The following DYRK1A variants were observed in gnomAD, a reference collection of about 807,000 sequenced individuals.
DYRK1A encodes dual specificity tyrosine-phosphorylation-regulated kinase 1A.
Under a neutral mutation model 79.7 loss-of-function variants are expected in DYRK1A, and 9 were observed. That is an observed-to-expected ratio of 0.11 (90% CI 0.07 to 0.20). The LOEUF (loss-of-function observed/expected upper bound fraction) is 0.20. DYRK1A is among the 10% of genes least tolerant of loss of function. DYRK1A has a pLI of 1.00. For synonymous variants in DYRK1A, 349 were observed against 329.7 expected, an observed-to-expected ratio of 1.06 and a Z score of -0.63; for missense variants, 622 against 956.0, an observed-to-expected ratio of 0.65 and a Z score of 4.61.
intron 8 of DYRK1A, among the ~76,000 whole-genome samples, chr21:37,493,370 A>G (rs1279091212): frequency 6.6e-6 from 1 of 152,034 alleles, no homozygotes; most frequent in Non-Finnish European, 1.5e-5. Context: ...ATTTTAATCT[A>G]CTCATGAAGG....
At chr21:37,457,011 A>AATTTACTTACTTACTTACTT (rs1200076500) in intron 2 of DYRK1A, among the ~76,000 whole-genome samples, 1 of 132,908 alleles carries the variant, frequency 7.5e-6, no homozygotes, top group Non-Finnish European at 1.6e-5. Context: ...GTAAAAAGAA[A>AATTTACTTACTTACTTACTT]ATTTACTTAC....
intron 1 of DYRK1A, among the ~76,000 whole-genome samples, chr21:37,396,709 G>T (rs544534870): frequency 2.6e-5 from 4 of 152,122 alleles, no homozygotes; most frequent in Non-Finnish European, 4.4e-5. Context: ...AGAATTGGTA[G>T]ACGACCCTTT....
At position 37,512,341 on chromosome 21, in the gene DYRK1A, A is replaced by G; in HGVS notation, c.2075A>G (p.Asn692Ser). The G allele has an allele frequency of 6.2e-7, 1 of 1,614,214 alleles. No individual in the cohort carries two copies. Among genetic ancestry groups the G allele is most frequent in the Non-Finnish European group, 8.5e-7 (1 of 1,180,038 alleles). ...GGACAGAATGGAGCTATGGACGTTA[A>G]TTTGACCGTCTACTCCAATCCCCGC... ...DFGQNGAMDVNLTVYSNPRQE... is the reference protein window; with the variant it reads ...DFGQNGAMDVSLTVYSNPRQE... The change falls in exon 12 of 12, where the codon AAT (asparagine) becomes AGT (serine). Residue 692 changes from asparagine (N) to serine (S), a missense_variant. Asn to Ser is a conservative substitution (Grantham distance 46). This residue lies in a region of DYRK1A where 292 missense variants were observed against 316.7 expected (regional missense o/e 0.92). Coordinates refer to ENST00000647188, the MANE Select transcript of DYRK1A (RefSeq NM_001347721.2).
At chr21:37,407,339 C>T (rs2050166862) in intron 1 of DYRK1A, among the ~76,000 whole-genome samples, 3 of 152,264 alleles carry the variant, frequency 2.0e-5, no homozygotes, top group African/African-American at 7.2e-5. Context: ...TGTAACCCAT[C>T]ATATGAGTTC....
At chr21:37,368,995 A>G (rs146837995) in intron 1 of DYRK1A, among the ~76,000 whole-genome samples, 1,642 of 152,270 alleles carry the variant, frequency 0.011, 28 homozygotes, top group African/African-American at 0.036. Flanking sequence ...TATGTAGTCA[A>G]TTTTTGAATG....
upstream of DYRK1A, chr21:37,366,236 C>A (rs1169850173): frequency 3.3e-5 from 5 of 150,040 alleles, no homozygotes; most frequent in Non-Finnish European, 7.4e-5. Context: ...CGGGTCCCCG[C>A]CCGAAGGCCG....
intron 1 of DYRK1A, among the ~76,000 whole-genome samples, chr21:37,373,792 A>G (rs1305333004): frequency 1.3e-5 from 2 of 152,194 alleles, no homozygotes; most frequent in African/African-American, 2.4e-5. Flanking sequence ...GTGGTCTTTG[A>G]TAGGTGACTA....
chr21:37,452,505 A>G (rs903969081), intron 2 of DYRK1A, among the ~76,000 whole-genome samples: 1 of 152,216 alleles, frequency 6.6e-6, no homozygotes, highest in African/African-American at 2.4e-5. Context: ...ACACAGTTAA[A>G]TATAGCATGC....
In DYRK1A at chr21:37,478,389, A is replaced by G. The variant is rs555747401; in HGVS notation, c.300+89A>G. The G allele has an allele frequency of 3.2e-4, 349 of 1,106,546 alleles. 2 individuals are homozygous for G. The highest frequency in any genetic ancestry group is 4.3e-4 in the Non-Finnish European group (328 of 768,356). 68.5% of individuals were successfully genotyped at this position (1,106,546 alleles called of 1,614,324 possible). On this transcript the variant is annotated intron_variant, in intron 4 of 11. Transcript: ENST00000647188. ...CCTATTTACCCTAAACTTTTTTTTC[A>G]TTCCTAGTAGTTGTCATATTGATGA...
intron 1 of DYRK1A, among the ~76,000 whole-genome samples, chr21:37,394,773 T>A (rs2049931148): frequency 6.6e-6 from 1 of 152,158 alleles, no homozygotes; most frequent in Non-Finnish European, 1.5e-5. Flanking sequence ...TCCACAAAAG[T>A]AGTCCCTGGT....
chr21:37,447,436 T>G (rs886548835), intron 2 of DYRK1A, among the ~76,000 whole-genome samples: 8 of 152,206 alleles, frequency 5.3e-5, no homozygotes, highest in African/African-American at 1.7e-4. Context: ...ACTCAAGCCT[T>G]TAAGACCTAA....
intron 9 of DYRK1A, among the ~76,000 whole-genome samples, chr21:37,498,924 T>A (rs1199353200): frequency 6.6e-6 from 1 of 152,178 alleles, no homozygotes; most frequent in Non-Finnish European, 1.5e-5. Flanking sequence ...ATATGCTTAT[T>A]AGCCTTTCAT....
At chr21:37,398,080 T>C (rs9980136) in intron 1 of DYRK1A, among the ~76,000 whole-genome samples, 28,471 of 145,896 alleles carry the variant, frequency 0.2, 3,014 homozygotes, top group East Asian at 0.36. Context: ...AAAAAAAATA[T>C]ATATATATAT....
intron 2 of DYRK1A, chr21:37,464,216 A>G: frequency 2.2e-6 from 1 of 446,126 alleles, no homozygotes; most frequent in Non-Finnish European, 4.4e-6. Context: ...ATCTTTTTGA[A>G]TCTTATGTCC....
At chr21:37,458,338 T>C (rs1473929924) in intron 2 of DYRK1A, among the ~76,000 whole-genome samples, 2 of 150,910 alleles carry the variant, frequency 1.3e-5, no homozygotes, top group African/African-American at 4.9e-5. Context: ...TTTTAAAAAT[T>C]TTACATAACT....
At chr21:37,440,130 C>T (rs1400508176) in intron 2 of DYRK1A, among the ~76,000 whole-genome samples, 2 of 37,756 alleles carry the variant, frequency 5.3e-5, no homozygotes, top group African/African-American at 8.5e-5. Flanking sequence ...TTGTTTGCTC[C>T]TTTTTTTTTT....
chr21:37,499,225 T>A (rs951325585), intron 9 of DYRK1A, among the ~76,000 whole-genome samples: 1 of 152,194 alleles, frequency 6.6e-6, no homozygotes, highest in African/African-American at 2.4e-5. Context: ...CTAAAAGTTT[T>A]TTATTTTTAT....
intron 2 of DYRK1A, among the ~76,000 whole-genome samples, chr21:37,440,824 G>T (rs2051080016): frequency 6.6e-6 from 1 of 152,058 alleles, no homozygotes; most frequent in Non-Finnish European, 1.5e-5. Context: ...CCATAATGTT[G>T]TCTATCTTGG....
intron 7 of DYRK1A, among the ~76,000 whole-genome samples, chr21:37,492,383 C>G (rs1350436756): frequency 6.6e-6 from 1 of 152,146 alleles, no homozygotes; most frequent in Non-Finnish European, 1.5e-5. Context: ...CCTAACATTA[C>G]TTCATTGAAA....
Sources: allele counts gnomAD v4.1 joint callset (sites outside exome capture counted in the v4.1 genomes callset), GRCh38; gene constraint gnomAD v4.1.1; regional missense constraint gnomAD v4.1.1; transcripts MANE v1.5; gene names NCBI Gene and HGNC (gene_info 2026-07-23, HGNC 2026-07-21).